The following ITSN2 variants were observed in gnomAD, a reference collection of about 807,000 sequenced individuals.
ITSN2 encodes intersectin-2.
A neutral mutation model predicts 243.7 loss-of-function variants in ITSN2; 156 were observed. That is an observed-to-expected ratio of 0.64 (90% confidence interval 0.56 to 0.73). The LOEUF is 0.73. Ranked by LOEUF, ITSN2 falls within the 30% of genes least tolerant of loss-of-function variation. The pLI is 0.00. For missense variants in ITSN2, 1,801 were observed against 1,996.1 expected (o/e 0.90, Z 1.86); for synonymous variants, 703 against 699.9 (o/e 1.00, Z -0.07).
chr2:24,258,335 G>T (rs1046816593), intron 22 of ITSN2, among the ~76,000 whole-genome samples: 1 of 152,190 alleles, frequency 6.6e-6, no homozygotes, highest in Non-Finnish European at 1.5e-5. Context: ...CACTGGTAGA[G>T]AAGGTAAATA....
intron 25 of ITSN2, among the ~76,000 whole-genome samples, chr2:24,250,889 A>G (rs7563886): frequency 0.98 from 148,922 of 152,262 alleles, 72,824 homozygotes; most frequent in East Asian, 0.99. Context: ...AGCTGACTTA[A>G]TTAAGTCAGA....
chr2:24,207,015 G>A (rs1410292078), intron 37 of ITSN2, among the ~76,000 whole-genome samples: 2 of 152,158 alleles, frequency 1.3e-5, no homozygotes, highest in Admixed American at 1.3e-4. Flanking sequence ...GCAGCTGGAT[G>A]GGCCGGGCAC....
chr2:24,317,616 G>A (rs1157382847), intron 2 of ITSN2, among the ~76,000 whole-genome samples: 1 of 152,234 alleles, frequency 6.6e-6, no homozygotes, highest in Non-Finnish European at 1.5e-5. Flanking sequence ...CAGCTGTTTG[G>A]TTTGCCACTT....
At chr2:24,325,522 ACCCTTT>A in intron 2 of ITSN2, among the ~76,000 whole-genome samples, 4 of 152,126 alleles carry the variant, frequency 2.6e-5, no homozygotes, top group African/African-American at 9.7e-5. Context: ...AACTAACAGA[ACCCTTT>A]GAAAAGGCAA....
chr2:24,325,575 A>G (rs1251735324), intron 2 of ITSN2, among the ~76,000 whole-genome samples: 1 of 152,232 alleles, frequency 6.6e-6, no homozygotes, highest in East Asian at 1.9e-4. Context: ...AAAATCTCCC[A>G]ATCTTAGTCT....
intron 30 of ITSN2, among the ~76,000 whole-genome samples, chr2:24,218,681 C>A (rs113432174): frequency 6.6e-6 from 1 of 151,988 alleles, no homozygotes; most frequent in African/African-American, 2.4e-5. Context: ...TACCAATTGA[C>A]CTATGAAGAA....
At chr2:24,334,046 C>T (rs1686077688) in intron 1 of ITSN2, among the ~76,000 whole-genome samples, 1 of 151,842 alleles carries the variant, frequency 6.6e-6, no homozygotes, top group South Asian at 2.1e-4. Context: ...CACGCCACCA[C>T]ACCTGGCTAA....
chr2:24,252,367 T>A lies in ITSN2; in HGVS notation c.3098A>T (p.Tyr1033Phe), dbSNP rs770391864. The A allele has an allele frequency of 6.2e-7, 1 of 1,612,434 alleles. No homozygotes were observed. The highest frequency in any genetic ancestry group is 1.1e-5 in the South Asian group (1 of 90,982). Reference sequence around the variant, plus strand: ...TACCTCTTGATCCTTTGGTTTGACATAGTTTGATGGAAAAATTCCACTTCT... The same window carrying A: ...TACCTCTTGATCCTTTGGTTTGACAAAGTTTGATGGAAAAATTCCACTTCT... ...GDRSGIFPSNYVKPKDQESFG... is the reference protein window; with the variant it reads ...GDRSGIFPSNFVKPKDQESFG... Residue 1033 changes from tyrosine to phenylalanine, a missense_variant, in exon 25 of 40, where the codon TAT becomes TTT. Coordinates refer to ENST00000355123, the MANE Select transcript of ITSN2 (RefSeq NM_006277.3).
intron 1 of ITSN2, among the ~76,000 whole-genome samples, chr2:24,359,918 G>C (rs551556336): frequency 1.0e-3 from 158 of 152,252 alleles, no homozygotes; most frequent in African/African-American, 3.7e-3. Context: ...AGGCGTGCGG[G>C]TGCCCCCAGA....
In ITSN2 at chr2:24,266,545, G is replaced by T. The variant is rs140988285; in HGVS notation, c.2355+4126C>A. 5.3e-5 allele frequency among the ~76,000 whole-genome samples: 8 copies of T among 152,220 alleles called. No homozygotes were observed. The East Asian group carries it at 1.2e-3, about 22-fold the overall frequency. ...AACTGTATGATGTCACAGTAATGTA[G>T]CTCCCATAAAATGGTGTTCTAAAAT... is the stretch of plus-strand genomic sequence containing the variant. On this transcript the variant is annotated intron_variant, in intron 20 of 39. Coordinates refer to ENST00000355123, the MANE Select transcript of ITSN2 (RefSeq NM_006277.3).
Position 24,217,966 on chromosome 2 carries a change from C to T in ITSN2, c.3747G>A (p.Glu1249=). The change falls in exon 31 of 40, where the codon GAG becomes GAA. Residue 1249 remains glutamate, a synonymous_variant. Coordinates refer to ENST00000355123, the MANE Select transcript of ITSN2 (RefSeq NM_006277.3). ...MAESGFLTEG[E]MALIFVNWKE... is the part of the protein sequence containing the mutation. The stretch of plus-strand genomic sequence containing the variant: ...TCCAGTTAACAAAAATCAGGGCCAT[C>T]TCCCCTTCAGTGAGAAAGCCTGACT... 6.2e-7 allele frequency: 1 copy of T among 1,614,138 alleles called. No homozygotes were observed. Among genetic ancestry groups the T allele is most frequent in the Non-Finnish European group, 8.5e-7 (1 of 1,180,028 alleles).
At position 24,216,616 on chromosome 2, in the gene ITSN2, T is replaced by A. The variant is rs1669977601; in HGVS notation, c.3807-384A>T. On this transcript the variant is annotated intron_variant, in intron 31 of 39. Transcript: ENST00000355123. ...ACAAAAATGAAAAATTAGCTGGGCA[T>A]GGTGGTGCACGCCTGTAGTTCCAGC... 3.3e-5 allele frequency among the ~76,000 whole-genome samples: 5 copies of A among 152,024 alleles called. No homozygotes were observed. In the South Asian group the frequency reaches 1.0e-3, roughly 32 times the overall value.
intron 29 of ITSN2, among the ~76,000 whole-genome samples, chr2:24,230,318 C>T (rs1325481768): frequency 6.6e-6 from 1 of 152,196 alleles, no homozygotes; most frequent in African/African-American, 2.4e-5. Flanking sequence ...TCTCACACGT[C>T]CCCCATGGCT....
At chr2:24,324,894 G>T (rs1684993718) in intron 2 of ITSN2, among the ~76,000 whole-genome samples, 1 of 131,226 alleles carries the variant, frequency 7.6e-6, no homozygotes. Context: ...CACCTTAAAA[G>T]AACTCACAGA....
intron 29 of ITSN2, among the ~76,000 whole-genome samples, chr2:24,230,533 C>G (rs1037637525): frequency 6.6e-6 from 1 of 152,090 alleles, no homozygotes; most frequent in South Asian, 2.1e-4. Context: ...TTTGGGAGGC[C>G]GAGGTGGGTG....
At chr2:24,268,446 GCCTTTT>G (rs1676935831) in intron 20 of ITSN2, among the ~76,000 whole-genome samples, 1 of 152,070 alleles carries the variant, frequency 6.6e-6, no homozygotes, top group Non-Finnish European at 1.5e-5. Context: ...CAGCCTTCTA[GCCTTTT>G]CAAGAATCTT....
At position 24,293,724 on chromosome 2, in the gene ITSN2, C is replaced by A; in HGVS notation, c.1687G>T (p.Glu563Ter). 7.9e-7 allele frequency: 1 copy of A among 1,273,760 alleles called. No homozygotes were observed. The highest frequency in any genetic ancestry group is 1.9e-4 in the Middle Eastern group (1 of 5,328). 78.9% of individuals were successfully genotyped at this position (1,273,760 alleles called of 1,614,324 possible). Residue 563 changes from glutamate (E) to a stop codon, truncating the protein, a stop_gained, in exon 15 of 40, where the codon GAA becomes TAA. Transcript: ENST00000355123. LOFTEE classifies it high-confidence loss of function. ...YLVPEKQLLNERIKNMQFSNT... is the reference protein window; with the variant it reads ...YLVPEKQLLN ...CTGAACTGCATGTTTTTAATTCTTT[C>A]ATTTAATAATTGCTTCTCAGGTACC...
chr2:24,324,775 G>A (rs114493922), intron 2 of ITSN2, among the ~76,000 whole-genome samples: 4,458 of 147,048 alleles, frequency 0.03, 110 homozygotes, highest in South Asian at 0.047. Flanking sequence ...AATTGCTTGA[G>A]CCTGGAGGTT....
intron 19 of ITSN2, among the ~76,000 whole-genome samples, chr2:24,271,046 G>C (rs967767230): frequency 6.6e-6 from 1 of 152,272 alleles, no homozygotes; most frequent in Non-Finnish European, 1.5e-5. Context: ...GTGCAGGAGT[G>C]GGGGCCAGGC....
Sources: gnomAD v4.1 joint callset for allele counts (sites outside exome capture counted in the v4.1 genomes callset) on GRCh38, gnomAD v4.1.1 for gene constraint, MANE v1.5 for transcripts, NCBI Gene and HGNC (gene_info 2026-07-23, HGNC 2026-07-21) for gene names.